The following NAALADL2 variants were observed in gnomAD, a reference collection of about 807,000 sequenced individuals.
NAALADL2 encodes inactive N-acetylated-alpha-linked acidic dipeptidase-like protein 2.
In NAALADL2, 76 loss-of-function variants were observed where a neutral mutation model predicts 87.2. The observed-to-expected ratio is 0.87, with a 90% CI of 0.72 to 1.05. NAALADL2 has a LOEUF of 1.05. Ranked by LOEUF, NAALADL2 falls within the 50% of genes least tolerant of loss-of-function variation. NAALADL2 has a pLI of 0.00. For synonymous variants in NAALADL2, 354 were observed against 331.0 expected (o/e 1.07, Z -0.75); for missense variants, 1,089 against 945.8 (o/e 1.15, Z -1.99).
At chr3:175,283,407 G>A (rs1427616262) in intron 4 of NAALADL2, among the ~76,000 whole-genome samples, 1 of 151,904 alleles carries the variant, frequency 6.6e-6, no homozygotes, top group Non-Finnish European at 1.5e-5. Flanking sequence ...TTTTTTCAAT[G>A]TTCTTTACAA....
intron 1 of NAALADL2, among the ~76,000 whole-genome samples, chr3:174,548,721 C>T (rs548554567): frequency 4.4e-4 from 67 of 152,280 alleles, no homozygotes; most frequent in African/African-American, 1.6e-3. Flanking sequence ...TAGGAAAAGG[C>T]ACTGACTCCT....
chr3:174,441,800 A>G (rs1302381922), intron 1 of NAALADL2, among the ~76,000 whole-genome samples: 1 of 151,074 alleles, frequency 6.6e-6, no homozygotes, highest in African/African-American at 2.4e-5. Flanking sequence ...CACTTTTAGA[A>G]TAGCAATTGA....
intron 2 of NAALADL2, among the ~76,000 whole-genome samples, chr3:175,123,969 T>C (rs1308077258): frequency 1.3e-5 from 2 of 151,778 alleles, no homozygotes; most frequent in Admixed American, 1.3e-4. Flanking sequence ...ATAGTTTTTT[T>C]CCTCTTAAGG....
chr3:175,183,683 C>T (rs1358674907), intron 2 of NAALADL2, among the ~76,000 whole-genome samples: 1 of 152,032 alleles, frequency 6.6e-6, no homozygotes, highest in African/African-American at 2.4e-5. Context: ...ATAAATTCCA[C>T]TTGACTATAG....
chr3:175,321,934 T>A (rs1759942766), intron 4 of NAALADL2, among the ~76,000 whole-genome samples: 1 of 150,446 alleles, frequency 6.6e-6, no homozygotes, highest in Non-Finnish European at 1.5e-5. Flanking sequence ...ACAGATTCAA[T>A]GCCATCCCCA....
chr3:174,532,163 T>C (rs563793098), intron 1 of NAALADL2, among the ~76,000 whole-genome samples: 3 of 152,292 alleles, frequency 2.0e-5, no homozygotes, highest in Admixed American at 6.5e-5. Flanking sequence ...GTGAAGGTCC[T>C]TTTCAGTTTC....
At chr3:175,670,193 G>T (rs1175349009) in intron 11 of NAALADL2, among the ~76,000 whole-genome samples, 1 of 151,806 alleles carries the variant, frequency 6.6e-6, no homozygotes, top group African/African-American at 2.4e-5. Flanking sequence ...GCAAAACTAG[G>T]ATTTGAATCC....
chr3:174,995,619 C>T (rs151055896), intron 1 of NAALADL2, among the ~76,000 whole-genome samples: 15 of 151,932 alleles, frequency 9.9e-5, no homozygotes, highest in East Asian at 3.9e-4. Context: ...TAATGAGTAA[C>T]GGAATTGTTC....
intron 1 of NAALADL2, among the ~76,000 whole-genome samples, chr3:174,462,107 AT>A (rs1227811594): frequency 2.6e-5 from 4 of 152,020 alleles, no homozygotes; most frequent in Non-Finnish European, 5.9e-5. Context: ...CATTTAATAT[AT>A]TTTTAATACA....
At chr3:175,338,028 T>C (rs1444555743) in intron 5 of NAALADL2, among the ~76,000 whole-genome samples, 1 of 152,168 alleles carries the variant, frequency 6.6e-6, no homozygotes, top group African/African-American at 2.4e-5. Context: ...AAACTGAACT[T>C]TCACAGCTTT....
At chr3:174,888,335 A>G (rs1730453180) in intron 1 of NAALADL2, among the ~76,000 whole-genome samples, 1 of 152,220 alleles carries the variant, frequency 6.6e-6, no homozygotes, top group African/African-American at 2.4e-5. Flanking sequence ...TACAAAGTGA[A>G]ATAATGACAT....
At chr3:174,670,777 ATAC>A (rs1247324220) in intron 2 of NAALADL2, among the ~76,000 whole-genome samples, 1 of 152,036 alleles carries the variant, frequency 6.6e-6, no homozygotes, top group African/African-American at 2.4e-5. Flanking sequence ...CAGTGAACTG[ATAC>A]TTTCTAACAC....
At chr3:174,830,955 T>G (rs1722606999) in intron 3 of NAALADL2, among the ~76,000 whole-genome samples, 1 of 151,034 alleles carries the variant, frequency 6.6e-6, no homozygotes, top group Admixed American at 6.6e-5. Flanking sequence ...GTACATTGAT[T>G]TTGTATCCTG....
chr3:175,570,542 C>G (rs890146023), intron 9 of NAALADL2, among the ~76,000 whole-genome samples: 1 of 152,092 alleles, frequency 6.6e-6, no homozygotes, highest in Non-Finnish European at 1.5e-5. Context: ...TAAATTATTT[C>G]TACAAAATTG....
intron 12 of NAALADL2, among the ~76,000 whole-genome samples, chr3:175,743,592 G>T (rs1286699816): frequency 6.6e-6 from 1 of 152,252 alleles, no homozygotes; most frequent in Non-Finnish European, 1.5e-5. Context: ...TGTAATGAAT[G>T]CATTGTGATG....
At chr3:174,564,294 G>A (rs1412815478) in intron 2 of NAALADL2, among the ~76,000 whole-genome samples, 1 of 152,008 alleles carries the variant, frequency 6.6e-6, no homozygotes, top group Admixed American at 6.6e-5. Context: ...ACATCCTTTG[G>A]GAAAAAACAT....
chr3:175,111,249 C>T (rs1237939327), intron 2 of NAALADL2, among the ~76,000 whole-genome samples: 2 of 151,562 alleles, frequency 1.3e-5, no homozygotes, highest in Non-Finnish European at 3.0e-5. Flanking sequence ...GGATTGGAAT[C>T]CAAAAAGAGC....
chr3:174,821,959 A>G (rs1331928560), intron 3 of NAALADL2, among the ~76,000 whole-genome samples: 2 of 152,186 alleles, frequency 1.3e-5, no homozygotes, highest in Non-Finnish European at 2.9e-5. Flanking sequence ...ATGAGTTTGA[A>G]TTGTGGAAAC....
chr3:174,924,612 T>C (rs1362023078), intron 1 of NAALADL2, among the ~76,000 whole-genome samples: 1 of 152,142 alleles, frequency 6.6e-6, no homozygotes, highest in African/African-American at 2.4e-5. Flanking sequence ...GTATTTCCAG[T>C]TCTAGATCCT....
Sources: allele counts gnomAD v4.1 joint callset (sites outside exome capture counted in the v4.1 genomes callset), GRCh38; gene constraint gnomAD v4.1.1; transcripts MANE v1.5; gene names NCBI Gene and HGNC (gene_info 2026-07-23, HGNC 2026-07-21).